Variants in RPSA2 observed in about 807,000 individuals in gnomAD.
RPSA2 encodes small ribosomal subunit protein uS2B.
At chr19:23,772,716 A>G in the RPSA2 span, among the ~76,000 whole-genome samples, 3 of 152,182 alleles carry the variant, frequency 2.0e-5, no homozygotes, top group Admixed American at 1.3e-4. Context: ...GAAAGAGCCC[A>G]TTGCTGAGGT....
At chr19:23,825,807 T>G in the RPSA2 span, among the ~76,000 whole-genome samples, 1 of 152,130 alleles carries the variant, frequency 6.6e-6, no homozygotes, top group Non-Finnish European at 1.5e-5. Flanking sequence ...CAGGCTGGTC[T>G]TGAACTCCCA....
the RPSA2 span, among the ~76,000 whole-genome samples, chr19:23,867,712 C>G: frequency 1.3e-5 from 2 of 152,056 alleles, no homozygotes; most frequent in South Asian, 4.2e-4. Context: ...CGCCTGTAGT[C>G]CCAGCTACTC....
chr19:23,775,735 A>G, the RPSA2 span, among the ~76,000 whole-genome samples: 2 of 152,228 alleles, frequency 1.3e-5, no homozygotes, highest in African/African-American at 4.8e-5. Context: ...GAACACACCT[A>G]TTAGTCTGTG....
the RPSA2 span, among the ~76,000 whole-genome samples, chr19:23,839,696 G>C: frequency 6.6e-6 from 1 of 152,190 alleles, no homozygotes; most frequent in African/African-American, 2.4e-5. Flanking sequence ...TTTACCCCTT[G>C]CTTCTCTGTC....
the RPSA2 span, among the ~76,000 whole-genome samples, chr19:23,824,189 T>C: frequency 1.3e-5 from 2 of 152,094 alleles, no homozygotes; most frequent in Admixed American, 6.6e-5. Flanking sequence ...CAGTGACAGG[T>C]TATGCTGACC....
the RPSA2 span, among the ~76,000 whole-genome samples, chr19:23,826,031 C>CAAAA: frequency 0.48 from 68,483 of 143,278 alleles, 16,647 homozygotes; most frequent in Admixed American, 0.57. Flanking sequence ...TATTTCTTGT[C>CAAAA]AAAAAAAAAC....
chr19:23,769,187 G>A, the RPSA2 span, among the ~76,000 whole-genome samples: 3 of 152,202 alleles, frequency 2.0e-5, no homozygotes, highest in African/African-American at 7.2e-5. Flanking sequence ...AAGCACCTAC[G>A]TGATATGACT....
At chr19:23,759,941 G>C in the RPSA2 span, among the ~76,000 whole-genome samples, 2 of 152,232 alleles carry the variant, frequency 1.3e-5, no homozygotes, top group Non-Finnish European at 1.5e-5. Flanking sequence ...CTCAGGCCAG[G>C]CCAGGCCATC....
chr19:23,793,452 ATTATG>A, the RPSA2 span, among the ~76,000 whole-genome samples: 6 of 149,066 alleles, frequency 4.0e-5, no homozygotes, highest in East Asian at 2.0e-4. Context: ...TGTATTTTAT[ATTATG>A]TTATGTATTT....
At chr19:23,846,379 CTTT>C in the RPSA2 span, among the ~76,000 whole-genome samples, 1 of 151,550 alleles carries the variant, frequency 6.6e-6, no homozygotes, top group Admixed American at 6.6e-5. Flanking sequence ...TTTATTTTTT[CTTT>C]TTATCTATTT....
At chr19:23,784,641 C>G in the RPSA2 span, among the ~76,000 whole-genome samples, 1 of 152,308 alleles carries the variant, frequency 6.6e-6, no homozygotes, top group East Asian at 1.9e-4. Context: ...TAGGAGTACA[C>G]AGCACACAGG....
At chr19:23,826,200 CTT>C in the RPSA2 span, among the ~76,000 whole-genome samples, 1 of 144,194 alleles carries the variant, frequency 6.9e-6, no homozygotes. Context: ...TTTCTTTTTT[CTT>C]TTTTTTTTTG....
chr19:23,813,759 G>T, the RPSA2 span, among the ~76,000 whole-genome samples: 2 of 122,040 alleles, frequency 1.6e-5, no homozygotes, highest in Admixed American at 1.0e-4. Flanking sequence ...GTCTCACTCT[G>T]TTGCCCAGGC....
the RPSA2 span, among the ~76,000 whole-genome samples, chr19:23,817,219 T>G: frequency 6.6e-6 from 1 of 152,074 alleles, no homozygotes; most frequent in Non-Finnish European, 1.5e-5. Context: ...CTGTCTCTAC[T>G]AAATAATACA....
chr19:23,850,967 G>T, the RPSA2 span, among the ~76,000 whole-genome samples: 7 of 152,134 alleles, frequency 4.6e-5, no homozygotes, highest in African/African-American at 1.7e-4. Context: ...TGGTAATATG[G>T]GAAATTCCCC....
the RPSA2 span, among the ~76,000 whole-genome samples, chr19:23,808,356 G>A: frequency 1.4e-5 from 2 of 142,280 alleles, no homozygotes; most frequent in African/African-American, 2.6e-5. Flanking sequence ...TGCAACTTCC[G>A]CCTCCCAGGT....
At chr19:23,783,427 A>G in the RPSA2 span, among the ~76,000 whole-genome samples, 1 of 151,986 alleles carries the variant, frequency 6.6e-6, no homozygotes, top group Non-Finnish European at 1.5e-5. Flanking sequence ...CTCTGGGTCC[A>G]ACAACATGGT....
At chr19:23,796,123 A>G in the RPSA2 span, among the ~76,000 whole-genome samples, 1 of 152,184 alleles carries the variant, frequency 6.6e-6, no homozygotes, top group African/African-American at 2.4e-5. Flanking sequence ...ATAACTTATT[A>G]TTGTAAAGTA....
At chr19:23,865,163 G>A in the RPSA2 span, among the ~76,000 whole-genome samples, 1 of 152,200 alleles carries the variant, frequency 6.6e-6, no homozygotes, top group African/African-American at 2.4e-5. Flanking sequence ...CAAATATGCT[G>A]GCAGTGGATA....
Sources: gnomAD v4.1 joint callset for allele counts (sites outside exome capture counted in the v4.1 genomes callset) on GRCh38, gnomAD v4.1.1 for gene constraint, MANE v1.5 for transcripts, NCBI Gene and HGNC (gene_info 2026-07-23, HGNC 2026-07-21) for gene names.